Variants in PIK3C3 observed in about 807,000 individuals in gnomAD.
PIK3C3 encodes the protein PI3-kinase type 3.
A neutral mutation model predicts 126.1 loss-of-function variants in PIK3C3; 95 were observed. The ratio of observed to expected loss-of-function variants is 0.75; its 90% confidence interval spans 0.64 to 0.89. PIK3C3 has a LOEUF of 0.89. Ranked by LOEUF, PIK3C3 falls within the 40% of genes least tolerant of loss-of-function variation. The pLI is 0.00. For missense variants in PIK3C3, 829 were observed against 1,063.2 expected (o/e 0.78, Z 3.06); for synonymous variants, 374 against 360.0 (o/e 1.04, Z -0.44).
At chr18:42,077,261 G>T (rs1986066794) in intron 24 of PIK3C3, among the ~76,000 whole-genome samples, 1 of 152,198 alleles carries the variant, frequency 6.6e-6, no homozygotes, top group African/African-American at 2.4e-5. Context: ...TGATCAGGGT[G>T]GTGGTTGCTA....
rs796407903 is a variant in PIK3C3, at chr18:42,057,320, CTTACA to C, written c.2264-561_2264-557del. On this transcript the variant is annotated intron_variant, in intron 21 of 24. Coordinates refer to ENST00000262039, the MANE Select transcript of PIK3C3 (RefSeq NM_002647.4). ...AAAACAGATTTATAAGTCAGTCTTT[CTTACA>C]TATTAGTAAAATTTAACAGGATTAA... Among the ~76,000 whole-genome samples, 4 of 152,044 alleles carry C rather than the reference CTTACA, an allele frequency of 2.6e-5. No homozygotes were observed. The South Asian group carries it at 8.3e-4, about 31-fold the overall frequency.
intron 21 of PIK3C3, chr18:42,050,721 A>G (rs1984765176): frequency 6.6e-6 from 1 of 152,236 alleles, no homozygotes; most frequent in Non-Finnish European, 1.5e-5. Flanking sequence ...CCCCACTTGA[A>G]GCAAACAATA....
intron 10 of PIK3C3, among the ~76,000 whole-genome samples, chr18:42,007,169 T>G (rs190160797): frequency 1.5e-4 from 23 of 152,278 alleles, no homozygotes; most frequent in Non-Finnish European, 3.2e-4. Context: ...CACCCGGCCT[T>G]AAAAATCATA....
At chr18:42,050,744 A>G (rs1282708278) in intron 21 of PIK3C3, 1 of 152,254 alleles carries the variant, frequency 6.6e-6, no homozygotes, top group Non-Finnish European at 1.5e-5. Context: ...TGTTGCCTAA[A>G]CAATTTGAAT....
chr18:41,972,058 A>G (rs904926525), intron 4 of PIK3C3, among the ~76,000 whole-genome samples: 1 of 152,076 alleles, frequency 6.6e-6, no homozygotes, highest in African/African-American at 2.4e-5. Flanking sequence ...GAGTATAATC[A>G]TTGGAATTAG....
chr18:42,084,206 CATAAGT>C lies in PIK3C3; in HGVS notation c.*3074_*3079del, dbSNP rs537132609. The stretch of plus-strand genomic sequence containing the variant: ...AATATACCTTAAGTATATTTTTGCA[CATAAGT>C]ATAACATTGCGATTTAAAACAATAA... On this transcript the variant is annotated 3_prime_UTR_variant, in exon 25 of 25. Coordinates refer to ENST00000262039, the MANE Select transcript of PIK3C3 (RefSeq NM_002647.4). The C allele has an allele frequency of 1.6e-3, 250 of 152,202 alleles. 1 individual carries two copies. The highest frequency in any genetic ancestry group is 5.6e-3 in the African/African-American group (231 of 41,518). 9.4% of individuals were successfully genotyped at this position (152,202 alleles called of 1,614,324 possible).
chr18:42,028,376 T>G (rs899707112), intron 14 of PIK3C3, among the ~76,000 whole-genome samples: 24 of 152,246 alleles, frequency 1.6e-4, no homozygotes, highest in African/African-American at 5.3e-4. Context: ...TAAAAGAGAT[T>G]TATTTTTCCT....
At chr18:42,040,811 A>G in intron 19 of PIK3C3, 70 bp downstream of exon 19, 2 of 1,011,446 alleles carry the variant, frequency 2.0e-6, no homozygotes, top group African/African-American at 1.6e-5. Context: ...TCTTTATAAC[A>G]TAGAGTTAAA....
chr18:42,009,196 C>G (rs1167330447), intron 10 of PIK3C3, among the ~76,000 whole-genome samples: 1 of 152,092 alleles, frequency 6.6e-6, no homozygotes, highest in Non-Finnish European at 1.5e-5. Context: ...ATGTTTATTG[C>G]TCCAATTAAA....
intron 13 of PIK3C3, among the ~76,000 whole-genome samples, chr18:42,021,786 G>A (rs1206344061): frequency 6.6e-6 from 1 of 152,042 alleles, no homozygotes; most frequent in Non-Finnish European, 1.5e-5. Context: ...TTGACATGAG[G>A]TGCAAAAGAA....
chr18:42,040,764 G>T, intron 19 of PIK3C3, 23 bp downstream of exon 19: 1 of 1,454,394 alleles, frequency 6.9e-7, no homozygotes, highest in Non-Finnish European at 9.6e-7. Flanking sequence ...TAAAGATTAT[G>T]CAATTCATGA....
intron 9 of PIK3C3, among the ~76,000 whole-genome samples, chr18:42,003,821 C>T (rs1363070393): frequency 2.0e-5 from 3 of 152,260 alleles, no homozygotes; most frequent in Non-Finnish European, 4.4e-5. Context: ...TAAGTAGTTA[C>T]TTCACAGAGA....
intron 19 of PIK3C3, among the ~76,000 whole-genome samples, chr18:42,043,242 G>T (rs1984406186): frequency 6.6e-6 from 1 of 151,934 alleles, no homozygotes; most frequent in African/African-American, 2.4e-5. Flanking sequence ...GGGACTACAG[G>T]TGCCTGCCAC....
intron 4 of PIK3C3, among the ~76,000 whole-genome samples, chr18:41,971,613 A>C (rs761314408): frequency 6.6e-6 from 1 of 152,042 alleles, no homozygotes; most frequent in Non-Finnish European, 1.5e-5. Flanking sequence ...GTCTACCTTT[A>C]AGACTTTATC....
At chr18:42,023,618 A>G (rs1240883612) in intron 13 of PIK3C3, among the ~76,000 whole-genome samples, 2 of 152,292 alleles carry the variant, frequency 1.3e-5, no homozygotes, top group Admixed American at 6.5e-5. Context: ...TCATGGGGAG[A>G]AAAGCTATTG....
At chr18:41,983,633 G>A (rs2144338499) in intron 4 of PIK3C3, among the ~76,000 whole-genome samples, 2 of 152,266 alleles carry the variant, frequency 1.3e-5, no homozygotes, top group South Asian at 4.1e-4. Context: ...GAGTTCTAAT[G>A]ATCGTGGAAG....
chr18:41,966,284 C>T (rs940513204), intron 3 of PIK3C3, among the ~76,000 whole-genome samples: 1 of 151,082 alleles, frequency 6.6e-6, no homozygotes, highest in East Asian at 2.0e-4. Flanking sequence ...ATTCTCCTGC[C>T]TCAGCCTCCT....
At chr18:42,077,016 C>A (rs907411711) in intron 24 of PIK3C3, among the ~76,000 whole-genome samples, 5 of 152,160 alleles carry the variant, frequency 3.3e-5, no homozygotes, top group African/African-American at 9.7e-5. Flanking sequence ...AAAAAGAAGG[C>A]ATACCTTAAA....
intron 24 of PIK3C3, among the ~76,000 whole-genome samples, chr18:42,077,319 C>A (rs1377377345): frequency 6.6e-6 from 1 of 152,192 alleles, no homozygotes; most frequent in African/African-American, 2.4e-5. Context: ...TCAGTTGATT[C>A]TTCCTTTCAC....
Sources: gnomAD v4.1 joint callset for allele counts (sites outside exome capture counted in the v4.1 genomes callset) on GRCh38, gnomAD v4.1.1 for gene constraint, MANE v1.5 for transcripts, NCBI Gene and HGNC (gene_info 2026-07-23, HGNC 2026-07-21) for gene names.